Variants in NTM observed in about 807,000 individuals in gnomAD.
NTM encodes the protein IgLON family member 2.
NTM carries 13 observed loss-of-function variants against 42.1 expected under a neutral mutation model. That is an observed-to-expected ratio of 0.31 (90% CI 0.20 to 0.49). The LOEUF (loss-of-function observed/expected upper bound fraction) is 0.49, where lower values mean the gene tolerates loss of function less well. Among genes scored for constraint, NTM ranks in the 20% least tolerant of loss-of-function variants. The probability of loss-of-function intolerance (pLI) is 0.99; values close to 1 mark genes in which losing one functional copy is unlikely to be tolerated. For synonymous variants in NTM, 187 were observed against 179.2 expected, an observed-to-expected ratio of 1.04 and a Z score of -0.35; for missense variants, 373 against 452.8, an observed-to-expected ratio of 0.82 and a Z score of 1.60.
chr11:132,066,654 C>G (rs1436182961), intron 2 of NTM, among the ~76,000 whole-genome samples: 1 of 152,144 alleles, frequency 6.6e-6, no homozygotes, highest in Non-Finnish European at 1.5e-5. Flanking sequence ...TTCCGGTATT[C>G]TTTGGATTGA....
intron 1 of NTM, chr11:131,663,731 GTTACCTTTTTTT>G (rs1490653702): frequency 7.9e-5 from 12 of 152,142 alleles, no homozygotes; most frequent in African/African-American, 2.9e-4. Flanking sequence ...GGATGTTTTT[GTTACCTTTTTTT>G]TCTTTTTTAG....
intron 1 of NTM, among the ~76,000 whole-genome samples, chr11:131,802,345 T>C (rs2092189382): frequency 6.6e-6 from 1 of 152,238 alleles, no homozygotes. Flanking sequence ...GCCATTTGCA[T>C]GAAAACAGCA....
At chr11:131,391,575 CTTT>C (rs71067306) in intron 1 of NTM, among the ~76,000 whole-genome samples, 3,655 of 108,572 alleles carry the variant, frequency 0.034, 181 homozygotes, top group African/African-American at 0.11. Flanking sequence ...GTTGACAAGT[CTTT>C]TTTTTTTTTT....
intron 4 of NTM, among the ~76,000 whole-genome samples, chr11:132,256,450 T>C (rs199950323): frequency 6.6e-6 from 1 of 152,180 alleles, no homozygotes; most frequent in East Asian, 1.9e-4. Flanking sequence ...CTGCAATGGA[T>C]ACACTTTCCT....
chr11:131,547,705 CACTT>C (rs1829924927), intron 1 of NTM, among the ~76,000 whole-genome samples: 1 of 152,146 alleles, frequency 6.6e-6, no homozygotes, highest in Non-Finnish European at 1.5e-5. Context: ...AAGATGGAGT[CACTT>C]ACGTCAAGAG....
At chr11:132,219,349 A>G (rs1026599747) in intron 4 of NTM, among the ~76,000 whole-genome samples, 1 of 152,122 alleles carries the variant, frequency 6.6e-6, no homozygotes, top group South Asian at 2.1e-4. Context: ...GCCAGGGATC[A>G]TGGCAGCCAG....
intron 3 of NTM, among the ~76,000 whole-genome samples, chr11:132,163,795 C>T (rs2074813258): frequency 6.6e-6 from 1 of 152,248 alleles, no homozygotes; most frequent in Admixed American, 6.5e-5. Flanking sequence ...CTCTGCTGCG[C>T]ATTGAGATAC....
At position 131,642,481 on chromosome 11, in the gene NTM, G is replaced by A. The variant is rs146095238; in HGVS notation, c.83-269083G>A. On this transcript the variant is annotated intron_variant, in intron 1 of 8. Transcript: ENST00000683400. ...TAATGGAGGACAAATTGGATTTGCT[G>A]TTAAGTTAAACACCCATCTGCTCAC... Among the ~76,000 whole-genome samples, 773 of 152,330 alleles carry A rather than the reference G, an allele frequency of 5.1e-3. 9 individuals are homozygous for A. Among genetic ancestry groups the A allele is most frequent in the African/African-American group, 0.017 (725 of 41,562 alleles).
chr11:131,580,924 A>C (rs1435773453), intron 1 of NTM, among the ~76,000 whole-genome samples: 1 of 152,190 alleles, frequency 6.6e-6, no homozygotes, highest in Non-Finnish European at 1.5e-5. Flanking sequence ...CATGGAAGTC[A>C]CAGTGGCCAC....
chr11:131,385,761 G>T (rs2135552222), intron 1 of NTM, among the ~76,000 whole-genome samples: 1 of 152,332 alleles, frequency 6.6e-6, no homozygotes, highest in Middle Eastern at 3.4e-3. Flanking sequence ...GGGGGCTGAA[G>T]TGAGAAGATT....
chr11:132,075,301 G>T (rs960234602), intron 2 of NTM, among the ~76,000 whole-genome samples: 3 of 152,096 alleles, frequency 2.0e-5, no homozygotes, highest in Non-Finnish European at 2.9e-5. Context: ...GGTTAAGAGG[G>T]TAGAGCTCAT....
chr11:132,262,552 G>T (rs1419909856), intron 4 of NTM, among the ~76,000 whole-genome samples: 2 of 152,108 alleles, frequency 1.3e-5, no homozygotes, highest in African/African-American at 4.8e-5. Flanking sequence ...CATGGCAGGG[G>T]GAGAGAGAGA....
At chr11:131,677,180 A>G (rs1411338984) in intron 1 of NTM, among the ~76,000 whole-genome samples, 2 of 152,112 alleles carry the variant, frequency 1.3e-5, no homozygotes, top group African/African-American at 4.8e-5. Flanking sequence ...AGCACAACTT[A>G]TGTGGGAGGC....
At chr11:131,569,224 A>C (rs1179621485) in intron 1 of NTM, among the ~76,000 whole-genome samples, 10 of 150,836 alleles carry the variant, frequency 6.6e-5, no homozygotes, top group Admixed American at 6.6e-4. Flanking sequence ...GGCTCACTGC[A>C]ACCTCTGACT....
chr11:132,316,809 T>G (rs2136201204), intron 7 of NTM, among the ~76,000 whole-genome samples: 1 of 152,308 alleles, frequency 6.6e-6, no homozygotes, highest in African/African-American at 2.4e-5. Flanking sequence ...CTAGGTTCAT[T>G]ATTGAGGCTC....
At chr11:131,794,449 G>T (rs1230681296) in intron 1 of NTM, 2 of 984,078 alleles carry the variant, frequency 2.0e-6, no homozygotes, top group East Asian at 1.1e-4. Context: ...GCTGTCACAT[G>T]AGGCGTTTGC....
At chr11:131,899,207 G>T (rs992424649) in intron 1 of NTM, among the ~76,000 whole-genome samples, 1 of 152,062 alleles carries the variant, frequency 6.6e-6, no homozygotes, top group East Asian at 1.9e-4. Flanking sequence ...AGGAGCAGGG[G>T]TCCCCAGCCC....
intron 2 of NTM, among the ~76,000 whole-genome samples, chr11:131,948,859 C>T (rs1204448602): frequency 6.6e-6 from 1 of 152,168 alleles, no homozygotes; most frequent in African/African-American, 2.4e-5. Flanking sequence ...ATGAGATCTG[C>T]CTTCTTAAAA....
At chr11:131,513,064 G>A (rs1387420820) in intron 1 of NTM, among the ~76,000 whole-genome samples, 1 of 152,190 alleles carries the variant, frequency 6.6e-6, no homozygotes, top group East Asian at 1.9e-4. Context: ...ATTTCAGCCT[G>A]TGACACTGCA....
Sources: gnomAD v4.1 joint callset for allele counts (sites outside exome capture counted in the v4.1 genomes callset) on GRCh38, gnomAD v4.1.1 for gene constraint, MANE v1.5 for transcripts, NCBI Gene and HGNC (gene_info 2026-07-23, HGNC 2026-07-21) for gene names.